Variants in KCNJ3 observed in about 807,000 individuals in gnomAD.
The protein encoded by KCNJ3 is G protein-activated inward rectifier potassium channel 1.
KCNJ3 carries 4 observed loss-of-function variants against 39.2 expected under a neutral mutation model. The ratio of observed to expected loss-of-function variants is 0.10; its 90% CI spans 0.05 to 0.23. The LOEUF (loss-of-function observed/expected upper bound fraction) is 0.23, where lower values mean the gene tolerates loss of function less well. Ranked by LOEUF, KCNJ3 falls within the 10% of genes least tolerant of loss-of-function variation. The pLI, the probability that KCNJ3 is intolerant of heterozygous loss-of-function variation, is 1.00. For synonymous variants in KCNJ3, 230 were observed against 237.4 expected, an observed-to-expected ratio of 0.97 and a Z score of 0.29; for missense variants, 276 against 634.9, an observed-to-expected ratio of 0.43 and a Z score of 6.08.
intron 2 of KCNJ3, among the ~76,000 whole-genome samples, chr2:154,820,072 T>C (rs890404348): frequency 1.1e-4 from 17 of 152,144 alleles, no homozygotes; most frequent in Admixed American, 2.6e-4. Context: ...ACATCTTACA[T>C]AGCCATAGTG....
chr2:154,711,682 T>G (rs1005257006), intron 2 of KCNJ3, among the ~76,000 whole-genome samples: 1 of 152,152 alleles, frequency 6.6e-6, no homozygotes, highest in Non-Finnish European at 1.5e-5. Context: ...TTTGGAAATG[T>G]CTGCAGTATC....
At chr2:154,706,121 T>C (rs1179206942) in intron 1 of KCNJ3, among the ~76,000 whole-genome samples, 1 of 152,172 alleles carries the variant, frequency 6.6e-6, no homozygotes, top group African/African-American at 2.4e-5. Context: ...TTAAATAATT[T>C]ACTGCATAAA....
At position 154,739,672 on chromosome 2, in the gene KCNJ3, G is replaced by T. The variant is rs557640053; in HGVS notation, c.919+29853G>T. ...ATACTTCTTCTATGCCCAGAGGCTT[G>T]AGGCTTCTTTGAGTCATTGTTTTAA... On this transcript the variant is annotated intron_variant, in intron 2 of 2. Transcript: ENST00000295101. 2.6e-5 allele frequency among the ~76,000 whole-genome samples: 4 copies of T among 152,142 alleles called. No individual in the cohort carries two copies. The South Asian group carries it at 8.3e-4, about 32-fold the overall frequency.
intron 2 of KCNJ3, among the ~76,000 whole-genome samples, chr2:154,825,280 G>T (rs1687249456): frequency 6.6e-6 from 1 of 152,120 alleles, no homozygotes; most frequent in East Asian, 1.9e-4. Flanking sequence ...TTCCAAAAGT[G>T]CCTGTGATGG....
chr2:154,746,009 G>A (rs1342194814), intron 2 of KCNJ3, among the ~76,000 whole-genome samples: 2 of 151,424 alleles, frequency 1.3e-5, no homozygotes, highest in African/African-American at 2.4e-5. Flanking sequence ...CCCAGGTAGC[G>A]ACCCCTGAGA....
chr2:154,730,034 T>C, intron 2 of KCNJ3, among the ~76,000 whole-genome samples: 1 of 151,916 alleles, frequency 6.6e-6, no homozygotes, highest in East Asian at 1.9e-4. Flanking sequence ...TTGGGTTCAT[T>C]GAGATGGCTG....
At chr2:154,747,408 A>G (rs1043272647) in intron 2 of KCNJ3, among the ~76,000 whole-genome samples, 1 of 152,030 alleles carries the variant, frequency 6.6e-6, no homozygotes, top group Non-Finnish European at 1.5e-5. Flanking sequence ...TTGCTTATAT[A>G]CATATTTATA....
At chr2:154,803,158 T>G (rs1229679561) in intron 2 of KCNJ3, among the ~76,000 whole-genome samples, 1 of 152,070 alleles carries the variant, frequency 6.6e-6, no homozygotes, top group African/African-American at 2.4e-5. Context: ...TTGCAGATTC[T>G]ATCAATAAAA....
intron 2 of KCNJ3, among the ~76,000 whole-genome samples, chr2:154,773,243 A>G (rs909740333): frequency 6.6e-6 from 1 of 151,980 alleles, no homozygotes; most frequent in East Asian, 1.9e-4. Context: ...ATGACTTACT[A>G]TATTTCCCTA....
chr2:154,700,706 AAGGGATCC>A (rs1377278534), intron 1 of KCNJ3, among the ~76,000 whole-genome samples: 1 of 152,154 alleles, frequency 6.6e-6, no homozygotes, highest in African/African-American at 2.4e-5. Flanking sequence ...TTGTAGTTAA[AAGGGATCC>A]AATGTGCTTT....
At chr2:154,701,897 T>G (rs1399665268) in intron 1 of KCNJ3, among the ~76,000 whole-genome samples, 1 of 152,030 alleles carries the variant, frequency 6.6e-6, no homozygotes, top group Non-Finnish European at 1.5e-5. Flanking sequence ...TAATCTTTCC[T>G]GTAGGCATGG....
At chr2:154,733,666 G>A (rs1441649899) in intron 2 of KCNJ3, among the ~76,000 whole-genome samples, 1 of 152,176 alleles carries the variant, frequency 6.6e-6, no homozygotes, top group Non-Finnish European at 1.5e-5. Flanking sequence ...CATATTATAA[G>A]GAGGTGCTAG....
chr2:154,844,255 G>T (rs946823378), intron 2 of KCNJ3, among the ~76,000 whole-genome samples: 2 of 152,298 alleles, frequency 1.3e-5, no homozygotes, highest in African/African-American at 2.4e-5. Flanking sequence ...GACCCTGTTT[G>T]CCTGGGTGTC....
Position 154,855,357 on chromosome 2 carries a change from A to G in KCNJ3, c.*44A>G, listed in dbSNP as rs1331408531. The G allele has an allele frequency of 7.6e-7, 1 of 1,311,444 alleles. No homozygotes were observed. Among genetic ancestry groups the G allele is most frequent in the Non-Finnish European group, 1.0e-6 (1 of 956,124 alleles). 81.2% of individuals were successfully genotyped at this position (1,311,444 alleles called of 1,614,324 possible). The stretch of plus-strand genomic sequence containing the variant: ...ATTATTTAATGTTTGATTTAGTAAT[A>G]GTCCAATATTTGGCGATGAGGTAAT... On this transcript the variant is annotated 3_prime_UTR_variant, in exon 3 of 3. Transcript: ENST00000295101.
Position 154,699,346 on chromosome 2 carries a change from G to T in KCNJ3, c.571G>T (p.Ala191Ser). 6.2e-7 allele frequency: 1 copy of T among 1,613,198 alleles called. No individual in the cohort carries two copies. Among genetic ancestry groups the T allele is most frequent in the Non-Finnish European group, 8.5e-7 (1 of 1,180,046 alleles). The change falls in exon 1 of 3, where the codon GCC (alanine) becomes TCC (serine). Residue 191 changes from alanine to serine, a missense_variant. Coordinates refer to ENST00000295101, the MANE Select transcript of KCNJ3 (RefSeq NM_002239.4). This position sits in a 1 kb window ranked among gnomAD's most constrained non-coding sequence, Gnocchi z 6.4. ...CAAGATGTCCCAGCCCAAGAAGCGCGCCGAGACCCTCATGTTCAGCGAGCA... is the reference window on the plus strand; with the variant it reads ...CAAGATGTCCCAGCCCAAGAAGCGCTCCGAGACCCTCATGTTCAGCGAGCA... ...FIKMSQPKKR[A>S]ETLMFSEHAV...
intron 2 of KCNJ3, among the ~76,000 whole-genome samples, chr2:154,765,892 C>G (rs930300248): frequency 1.3e-5 from 2 of 152,052 alleles, no homozygotes; most frequent in African/African-American, 2.4e-5. Flanking sequence ...AAAGCAAATA[C>G]TAGAAGAAAA....
At position 154,729,708 on chromosome 2, in the gene KCNJ3, A is replaced by G. The variant is rs538455004; in HGVS notation, c.919+19889A>G. Among the ~76,000 whole-genome samples, 5 of 152,346 alleles carry G rather than the reference A, an allele frequency of 3.3e-5. No homozygotes were observed. The East Asian group carries it at 9.6e-4, about 29-fold the overall frequency. On this transcript the variant is annotated intron_variant, in intron 2 of 2. Coordinates refer to ENST00000295101, the MANE Select transcript of KCNJ3 (RefSeq NM_002239.4). ...TGAGAAGCAGAGACTGGGGACTAAG[A>G]TGCTATATATAAAGCAATACAGACT... is the stretch of plus-strand genomic sequence containing the variant.
chr2:154,788,759 G>A (rs529360057), intron 2 of KCNJ3, among the ~76,000 whole-genome samples: 4 of 150,232 alleles, frequency 2.7e-5, no homozygotes, highest in Admixed American at 1.3e-4. Context: ...ATATCAGTAT[G>A]TGAGTGTGAG....
chr2:154,835,130 T>C (rs1056249224), intron 2 of KCNJ3, among the ~76,000 whole-genome samples: 1 of 151,982 alleles, frequency 6.6e-6, no homozygotes, highest in African/African-American at 2.4e-5. Flanking sequence ...TCTGAAACTT[T>C]TGTTAAATAA....
Sources: gnomAD v4.1 joint callset for allele counts (sites outside exome capture counted in the v4.1 genomes callset) on GRCh38, gnomAD v4.1.1 for gene constraint, Gnocchi (gnomAD v3.1) non-coding constraint, MANE v1.5 for transcripts, NCBI Gene and HGNC (gene_info 2026-07-23, HGNC 2026-07-21) for gene names.